The following CLTC variants were observed in gnomAD, a reference collection of about 807,000 sequenced individuals.
CLTC encodes the protein clathrin heavy chain 1.
CLTC carries 16 observed loss-of-function variants against 195.8 expected under a neutral mutation model. The observed-to-expected ratio is 0.08, with a 90% CI of 0.06 to 0.12. The LOEUF (loss-of-function observed/expected upper bound fraction) is 0.12, where lower values mean the gene tolerates loss of function less well. Among genes scored for constraint, CLTC ranks in the 10% least tolerant of loss-of-function variants. The pLI is 1.00. For missense variants in CLTC, 796 were observed against 2,027.0 expected, an observed-to-expected ratio of 0.39 and a Z score of 11.66; for synonymous variants, 667 against 689.4, an observed-to-expected ratio of 0.97 and a Z score of 0.51.
rs544382693 is a variant in CLTC, at chr17:59,654,584, A to G, written c.796-1270A>G. Among the ~76,000 whole-genome samples the G allele has an allele frequency of 3.3e-5, 5 of 152,160 alleles. No homozygotes were observed. The East Asian group carries it at 5.8e-4, about 18-fold the overall frequency. On this transcript the variant is annotated intron_variant, in intron 5 of 31. Coordinates refer to ENST00000269122, the MANE Select transcript of CLTC (RefSeq NM_004859.4). ...CAACCTCCGCCTCCGGGGTCAAGCAATTCTCCTGCCTCAGCCTCCCCAGTA... is the reference window on the plus strand; with the variant it reads ...CAACCTCCGCCTCCGGGGTCAAGCAGTTCTCCTGCCTCAGCCTCCCCAGTA...
intron 17 of CLTC, among the ~76,000 whole-genome samples, chr17:59,678,473 A>G (rs778831520): frequency 4.6e-5 from 7 of 152,202 alleles, no homozygotes; most frequent in Non-Finnish European, 8.8e-5. Context: ...TCATGCATTC[A>G]TGAACTCTTG....
chr17:59,696,480 C>T lies in CLTC; in HGVS notation c.*2628C>T, dbSNP rs538772020. ...GGCATCATTACAGTTCTTGGGGATACACTGATTTTAGAAATTACTGTCAGT... is the reference window on the plus strand; with the variant it reads ...GGCATCATTACAGTTCTTGGGGATATACTGATTTTAGAAATTACTGTCAGT... On this transcript the variant is annotated 3_prime_UTR_variant, in exon 32 of 32. Coordinates refer to ENST00000269122, the MANE Select transcript of CLTC (RefSeq NM_004859.4). 8.5e-5 allele frequency: 18 copies of T among 212,522 alleles called. No individual in the cohort carries two copies. The East Asian group carries it at 1.3e-3, about 15-fold the overall frequency. The allele number at this position is 212,522 out of a possible 1,614,324, so 13.2% of individuals were successfully genotyped here. A position where few individuals can be genotyped will look rare whatever the true frequency, so the allele number is the denominator to read the frequency against.
At chr17:59,644,226 C>A (rs183232152) in intron 1 of CLTC, 50 bp from the exon 2 acceptor site, 2 of 1,480,984 alleles carry the variant, frequency 1.4e-6, no homozygotes, top group Admixed American at 3.5e-5. Flanking sequence ...ATATGAATGT[C>A]AAGTCTTTGG....
intron 1 of CLTC, among the ~76,000 whole-genome samples, chr17:59,638,086 A>G (rs1385027926): frequency 2.0e-5 from 3 of 152,138 alleles, no homozygotes; most frequent in Non-Finnish European, 4.4e-5. Context: ...CCAGAGTTTC[A>G]GCCAACCTAT....
At chr17:59,657,292 C>G (rs2032494048) in intron 6 of CLTC, among the ~76,000 whole-genome samples, 1 of 152,126 alleles carries the variant, frequency 6.6e-6, no homozygotes, top group Admixed American at 6.5e-5. Context: ...GCTTTCTCCT[C>G]ATAACATTTA....
chr17:59,621,746 C>A (rs746557858), intron 1 of CLTC, among the ~76,000 whole-genome samples: 4 of 152,038 alleles, frequency 2.6e-5, no homozygotes, highest in Non-Finnish European at 5.9e-5. Context: ...TGTTAAATAA[C>A]AAAATGGACA....
intron 17 of CLTC, among the ~76,000 whole-genome samples, chr17:59,678,912 G>T (rs1340425171): frequency 1.3e-5 from 2 of 152,182 alleles, no homozygotes; most frequent in Non-Finnish European, 2.9e-5. Context: ...TGAGGCAGGA[G>T]GATCACTTGA....
rs1282677299 is a variant in CLTC at position 59,683,980 on chromosome 17, T to C, written c.4429T>C (p.Tyr1477His). 3 of 1,567,098 alleles carry C rather than the reference T, an allele frequency of 1.9e-6. No homozygotes were observed. The highest frequency in any genetic ancestry group is 2.6e-6 in the Non-Finnish European group (3 of 1,137,598). Residue 1477 changes from tyrosine to histidine, a missense_variant, in exon 28 of 32, where the codon TAT (tyrosine) becomes CAT (histidine). By Grantham distance (83) the Tyr-to-His change is moderately conservative. This residue lies in a region of CLTC where 148 missense variants were observed against 279.5 expected (regional missense o/e 0.53). Transcript: ENST00000269122. The surrounding 1 kb of genome is among the most constrained non-coding windows in gnomAD (Gnocchi z 6.1). ...LNNLFITEEDYQALRTSIDAY... is the reference protein window; with the variant it reads ...LNNLFITEEDHQALRTSIDAY... Reference sequence around the variant, plus strand: ...CAATCTTTTTATTACAGAAGAAGATTATCAGGTAAAACCTTTTGATTCTTG... The same window carrying C: ...CAATCTTTTTATTACAGAAGAAGATCATCAGGTAAAACCTTTTGATTCTTG...
At chr17:59,684,874 C>T (rs1489980672) in intron 28 of CLTC, among the ~76,000 whole-genome samples, 182 bp from the exon 29 acceptor site, 3 of 151,472 alleles carry the variant, frequency 2.0e-5, no homozygotes, top group African/African-American at 7.3e-5. Flanking sequence ...ATATGTTAGT[C>T]CTTGATAGTG....
chr17:59,668,282 A>G (rs1300414853), intron 13 of CLTC, among the ~76,000 whole-genome samples: 1 of 152,236 alleles, frequency 6.6e-6, no homozygotes, highest in African/African-American at 2.4e-5. Context: ...ATAGGGGCAC[A>G]ATGGTGTATG....
chr17:59,636,100 CT>C (rs1311729011), intron 1 of CLTC, among the ~76,000 whole-genome samples: 1 of 151,564 alleles, frequency 6.6e-6, no homozygotes, highest in Non-Finnish European at 1.5e-5. Flanking sequence ...TGCCATTGCA[CT>C]CCAGCCTGGG....
chr17:59,666,807 A>G lies in CLTC; in HGVS notation c.1958A>G (p.Asn653Ser), dbSNP rs2032743355. ...TATTTTGTCTTGTAGTGGTTAGTCA[A>G]CTACTTTGGTTCCTTATCAGTAGAA... is the stretch of plus-strand genomic sequence containing the variant. ...THLLNPEWLV[N>S]YFGSLSVEDS... Residue 653 changes from asparagine to serine, a missense_variant, in exon 13 of 32, where the codon AAC (asparagine) becomes AGC (serine). Asn to Ser is a conservative substitution (Grantham distance 46). Coordinates refer to ENST00000269122, the MANE Select transcript of CLTC (RefSeq NM_004859.4). This position sits in a 1 kb window ranked among gnomAD's most constrained non-coding sequence, Gnocchi z 4.9. 1.2e-6 allele frequency: 2 copies of G among 1,610,444 alleles called. No individual in the cohort carries two copies. The highest frequency in any genetic ancestry group is 1.7e-5 in the Admixed American group (1 of 59,400).
chr17:59,635,775 C>T (rs1437290728), intron 1 of CLTC, among the ~76,000 whole-genome samples: 2 of 152,208 alleles, frequency 1.3e-5, no homozygotes, highest in Non-Finnish European at 2.9e-5. Context: ...GATGCTCATA[C>T]AACACCATTA....
rs1173717986 is a variant in CLTC at position 59,683,023 on chromosome 17, G to A, written c.3873+9G>A. The A allele has an allele frequency of 1.2e-5, 19 of 1,613,408 alleles. No individual in the cohort carries two copies. The highest frequency in any genetic ancestry group is 2.2e-5 in the South Asian group (2 of 91,066). On this transcript the variant is annotated intron_variant, in intron 24 of 31. Coordinates refer to ENST00000269122, the MANE Select transcript of CLTC (RefSeq NM_004859.4). This position sits in a 1 kb window ranked among gnomAD's most constrained non-coding sequence, Gnocchi z 6.1. ...TTATCAACTACTATCAGGTATTAAC[G>A]AGACTTTTATATGACCTGAGATCTT...
Position 59,660,371 on chromosome 17 carries a change from T to G in CLTC, c.970-20T>G, listed in dbSNP as rs2032581222. 6.2e-7 allele frequency: 1 copy of G among 1,608,022 alleles called. No individual in the cohort carries two copies. Among genetic ancestry groups the G allele is most frequent in the African/African-American group, 1.3e-5 (1 of 74,826 alleles). ...TCCAAATGAACACATTGCAGCTACATTTTATTCTTTAAATTGCAGGTTCTG... is the reference window on the plus strand; with the variant it reads ...TCCAAATGAACACATTGCAGCTACAGTTTATTCTTTAAATTGCAGGTTCTG... On this transcript the variant is annotated intron_variant, in intron 6 of 31. Transcript: ENST00000269122.
chr17:59,684,015 T>A, intron 28 of CLTC, 30 bp downstream of exon 28: 1 of 1,333,666 alleles, frequency 7.5e-7, no homozygotes, highest in Non-Finnish European at 1.1e-6. Context: ...GCACATAATC[T>A]CAAGACTCAT....
rs954849280 is a variant in CLTC at position 59,620,802 on chromosome 17, T to C, written c.42+629T>C. ...CTGAAAGAACGGAACGAGGGTAGAATGGGAGAACGCATTTCTTAGAGCTAT... is the reference window on the plus strand; with the variant it reads ...CTGAAAGAACGGAACGAGGGTAGAACGGGAGAACGCATTTCTTAGAGCTAT... On this transcript the variant is annotated intron_variant, in intron 1 of 31. Coordinates refer to ENST00000269122, the MANE Select transcript of CLTC (RefSeq NM_004859.4). Among the ~76,000 whole-genome samples the C allele has an allele frequency of 3.3e-5, 5 of 152,268 alleles. No homozygotes were observed. The East Asian group carries it at 9.6e-4, about 29-fold the overall frequency.
chr17:59,667,076 T>G, intron 13 of CLTC, 99 bp downstream of exon 13: 1 of 938,712 alleles, frequency 1.1e-6, no homozygotes, highest in Middle Eastern at 3.1e-4. Context: ...TTTCTAAAAA[T>G]TTGGTTCTAT....
chr17:59,622,113 T>C (rs1279249614), intron 1 of CLTC, among the ~76,000 whole-genome samples: 2 of 152,214 alleles, frequency 1.3e-5, no homozygotes, highest in Non-Finnish European at 2.9e-5. Context: ...TTAATACATG[T>C]CTGTTTTGTA....
Sources: gnomAD v4.1 joint callset for allele counts (sites outside exome capture counted in the v4.1 genomes callset) on GRCh38, gnomAD v4.1.1 for gene constraint, gnomAD v4.1.1 regional missense constraint, Gnocchi (gnomAD v3.1) non-coding constraint, MANE v1.5 for transcripts, NCBI Gene and HGNC (gene_info 2026-07-23, HGNC 2026-07-21) for gene names.